The following SGCZ variants were observed in gnomAD, a reference collection of about 807,000 sequenced individuals.
SGCZ encodes the protein zeta-sarcoglycan.
A neutral mutation model predicts 41.3 loss-of-function variants in SGCZ; 40 were observed. The observed-to-expected ratio is 0.97, with a 90% CI of 0.75 to 1.26. The LOEUF (loss-of-function observed/expected upper bound fraction) is 1.26. Ranked by LOEUF, SGCZ falls within the 50% of genes most tolerant of loss-of-function variation. SGCZ has a pLI of 0.00. For missense variants in SGCZ, 552 were observed against 369.8 expected, an observed-to-expected ratio of 1.49 and a Z score of -4.04; for synonymous variants, 206 against 137.5, an observed-to-expected ratio of 1.50 and a Z score of -3.49.
intron 1 of SGCZ, among the ~76,000 whole-genome samples, chr8:15,197,908 A>C (rs1800780411): frequency 6.6e-6 from 1 of 151,268 alleles, no homozygotes; most frequent in African/African-American, 2.4e-5. Context: ...ACATTCGTGT[A>C]TATATATAGA....
At chr8:14,591,564 T>C (rs1202142468) in intron 1 of SGCZ, among the ~76,000 whole-genome samples, 1 of 152,118 alleles carries the variant, frequency 6.6e-6, no homozygotes. Flanking sequence ...CACAATATTT[T>C]ATTCTTCAAA....
chr8:14,449,051 A>G (rs1344747347), intron 2 of SGCZ, among the ~76,000 whole-genome samples: 2 of 152,158 alleles, frequency 1.3e-5, no homozygotes, highest in Non-Finnish European at 2.9e-5. Flanking sequence ...TTATGCTCTG[A>G]TGCCTCCTTG....
chr8:14,372,937 A>G (rs1376932000), intron 2 of SGCZ, among the ~76,000 whole-genome samples: 3 of 152,182 alleles, frequency 2.0e-5, no homozygotes, highest in Non-Finnish European at 2.9e-5. Flanking sequence ...CCACTGTAAG[A>G]TTTTGAGCAT....
intron 2 of SGCZ, among the ~76,000 whole-genome samples, chr8:14,415,952 C>G (rs921467943): frequency 5.9e-5 from 9 of 151,864 alleles, no homozygotes; most frequent in Admixed American, 4.6e-4. Flanking sequence ...AATAATTTCT[C>G]TATAATAATG....
chr8:14,708,402 T>A (rs909476800), intron 1 of SGCZ, among the ~76,000 whole-genome samples: 1 of 152,006 alleles, frequency 6.6e-6, no homozygotes, highest in African/African-American at 2.4e-5. Context: ...ATGAATATAT[T>A]TTAAAAACAG....
rs1800269664 is a variant in SGCZ at position 14,772,402 on chromosome 8, T to G, written c.40-217476A>C. Among the ~76,000 whole-genome samples the G allele has an allele frequency of 1.3e-5, 2 of 151,906 alleles. 1 individual carries two copies. The highest frequency in any genetic ancestry group is 4.8e-5 in the African/African-American group (2 of 41,308). ...TTTCATCCATGTTCCCTAATAAAAA[T>G]AACACATATGACTCTTAGTATTTCT... On this transcript the variant is annotated intron_variant, in intron 1 of 7. Transcript: ENST00000382080.
chr8:15,177,921 G>C (rs1800049137), intron 1 of SGCZ, among the ~76,000 whole-genome samples: 2 of 152,102 alleles, frequency 1.3e-5, no homozygotes, highest in African/African-American at 4.8e-5. Flanking sequence ...ACCCAGAACA[G>C]CCATTGCCCT....
chr8:14,508,866 G>T (rs1802385465), intron 2 of SGCZ, among the ~76,000 whole-genome samples: 1 of 152,084 alleles, frequency 6.6e-6, no homozygotes, highest in African/African-American at 2.4e-5. Flanking sequence ...TTACATTTTT[G>T]GGTGCTTAAG....
chr8:14,620,730 C>A (rs1806257338), intron 1 of SGCZ, among the ~76,000 whole-genome samples: 1 of 152,126 alleles, frequency 6.6e-6, no homozygotes, highest in African/African-American at 2.4e-5. Flanking sequence ...AAATCAAAAC[C>A]ACAATGAGAT....
At chr8:14,099,493 G>T (rs1474738609) in intron 7 of SGCZ, among the ~76,000 whole-genome samples, 1 of 152,154 alleles carries the variant, frequency 6.6e-6, no homozygotes, top group Non-Finnish European at 1.5e-5. Flanking sequence ...TTGGGAGGCT[G>T]AGGCGGGAGG....
intron 1 of SGCZ, among the ~76,000 whole-genome samples, chr8:15,129,632 G>C (rs1302556424): frequency 6.9e-6 from 1 of 144,924 alleles, no homozygotes; most frequent in Non-Finnish European, 1.5e-5. Context: ...CATGGGAACA[G>C]CATCATTGAA....
At chr8:14,589,519 A>T (rs923089019) in intron 1 of SGCZ, among the ~76,000 whole-genome samples, 13 of 152,172 alleles carry the variant, frequency 8.5e-5, no homozygotes, top group Non-Finnish European at 1.6e-4. Flanking sequence ...TTTAGACAAT[A>T]CTGGTTCAGG....
intron 1 of SGCZ, among the ~76,000 whole-genome samples, chr8:14,612,564 G>C (rs887075938): frequency 6.6e-6 from 1 of 152,160 alleles, no homozygotes; most frequent in Non-Finnish European, 1.5e-5. Flanking sequence ...GGATTAGTCA[G>C]AACCTAGATT....
intron 1 of SGCZ, among the ~76,000 whole-genome samples, chr8:15,025,941 G>C (rs551064936): frequency 1.3e-5 from 2 of 151,908 alleles, no homozygotes; most frequent in Non-Finnish European, 2.9e-5. Context: ...TTTACCTGTT[G>C]TTTCGAACCA....
chr8:14,862,196 A>G (rs930582199), intron 1 of SGCZ, among the ~76,000 whole-genome samples: 9 of 152,122 alleles, frequency 5.9e-5, no homozygotes, highest in African/African-American at 2.2e-4. Context: ...AAGACCGTAG[A>G]AGGGCTTTCC....
chr8:15,116,877 G>T (rs1807288602), intron 1 of SGCZ, among the ~76,000 whole-genome samples: 1 of 152,084 alleles, frequency 6.6e-6, no homozygotes, highest in South Asian at 2.1e-4. Context: ...TTCTAGAAAT[G>T]GTTCAACTAC....
chr8:14,288,597 G>T (rs1004021096), intron 3 of SGCZ, among the ~76,000 whole-genome samples: 3 of 152,126 alleles, frequency 2.0e-5, no homozygotes, highest in Non-Finnish European at 1.5e-5. Flanking sequence ...ATGTTGAAAT[G>T]CCATATTATG....
chr8:14,601,833 A>G (rs776694791), intron 1 of SGCZ, among the ~76,000 whole-genome samples: 2 of 152,148 alleles, frequency 1.3e-5, no homozygotes, highest in Non-Finnish European at 2.9e-5. Context: ...AAACCTTATG[A>G]TGTGGTGCCG....
At chr8:15,126,423 C>T (rs547681582) in intron 1 of SGCZ, among the ~76,000 whole-genome samples, 3 of 152,264 alleles carry the variant, frequency 2.0e-5, no homozygotes, top group South Asian at 2.1e-4. Flanking sequence ...AGTGACCACA[C>T]ATTGATAATC....
Sources: allele counts gnomAD v4.1 joint callset (sites outside exome capture counted in the v4.1 genomes callset), GRCh38; gene constraint gnomAD v4.1.1; transcripts MANE v1.5; gene names NCBI Gene and HGNC (gene_info 2026-07-23, HGNC 2026-07-21).